Variants in SERINC2 observed in about 807,000 individuals in gnomAD.
SERINC2 encodes the protein tumor differentially expressed protein 2.
A neutral mutation model predicts 54.2 loss-of-function variants in SERINC2; 56 were observed. The observed-to-expected ratio is 1.03, with a 90% confidence interval of 0.83 to 1.29. The LOEUF (loss-of-function observed/expected upper bound fraction) is 1.29, where lower values mean the gene tolerates loss of function less well. SERINC2 is among the 50% of genes most tolerant of loss of function. The pLI is 0.00. For synonymous variants in SERINC2, 272 were observed against 253.1 expected (o/e 1.07, Z -0.71); for missense variants, 614 against 607.4 (o/e 1.01, Z -0.12).
At chr1:31,430,279 C>T (rs529524094) in intron 8 of SERINC2, among the ~76,000 whole-genome samples, 16 of 152,032 alleles carry the variant, frequency 1.1e-4, no homozygotes, top group East Asian at 1.9e-4. Flanking sequence ...TTTGGGAGGC[C>T]GAGGTGGGAG....
chr1:31,432,989 C>T lies in SERINC2; in HGVS notation c.1036C>T (p.Gln346Ter). Residue 346 changes from glutamine (Q) to a stop codon, truncating the protein, a stop_gained, in exon 9 of 10, where the codon CAG becomes TAG. Coordinates refer to ENST00000373709, the MANE Select transcript of SERINC2 (RefSeq NM_178865.5). LOFTEE classifies it high-confidence loss of function. ...CAGTCTGCGCTCCTCAGACCACCGG[C>T]AGGTGAACAGCCTGATGCAGACCGA... Reference protein sequence around the residue: ...FISLRSSDHRQVNSLMQTEEC... With the variant: ...FISLRSSDHR 1.2e-6 allele frequency: 2 copies of T among 1,611,986 alleles called. No individual in the cohort carries two copies. Among genetic ancestry groups the T allele is most frequent in the Non-Finnish European group, 1.7e-6 (2 of 1,179,630 alleles).
chr1:31,431,239 C>T (rs1285516686), intron 8 of SERINC2, among the ~76,000 whole-genome samples: 1 of 152,046 alleles, frequency 6.6e-6, no homozygotes, highest in Non-Finnish European at 1.5e-5. Context: ...ATCCTCCCAC[C>T]TCAGCCTCCT....
chr1:31,434,444 C>A lies in SERINC2; in HGVS notation c.*245C>A. ...CACGGTGGAGCTGCCTCTTCCTTCC[C>A]CTCCTCCCTGTTGCCCATACTCAGC... On this transcript the variant is annotated 3_prime_UTR_variant, in exon 10 of 10. Coordinates refer to ENST00000373709, the MANE Select transcript of SERINC2 (RefSeq NM_178865.5). 1 of 550,398 alleles carries A rather than the reference C, an allele frequency of 1.8e-6. No homozygotes were observed. Among genetic ancestry groups the A allele is most frequent in the Admixed American group, 3.4e-5 (1 of 29,674 alleles). The allele number at this position is 550,398 out of a possible 1,614,324, so 34.1% of individuals were successfully genotyped here. A position where few individuals can be genotyped will look rare whatever the true frequency, so the allele number is the denominator to read the frequency against.
At chr1:31,418,508 T>A (rs1640833739) in intron 1 of SERINC2, among the ~76,000 whole-genome samples, 1 of 152,144 alleles carries the variant, frequency 6.6e-6, no homozygotes, top group Non-Finnish European at 1.5e-5. Context: ...CCTGAGTAGC[T>A]GGAATTACAA....
intron 4 of SERINC2, 138 bp downstream of exon 4, chr1:31,425,547 G>A (rs1403478003): frequency 6.8e-6 from 6 of 886,664 alleles, no homozygotes; most frequent in African/African-American, 4.9e-5. Flanking sequence ...CCCCACCCGT[G>A]AGACAGCACT....
intron 8 of SERINC2, among the ~76,000 whole-genome samples, chr1:31,431,749 GATAGGGTGGAGAGGGTGGAGAGGGTGA>G (rs1553134492): frequency 2.1e-5 from 3 of 143,198 alleles, no homozygotes; most frequent in African/African-American, 7.4e-5. Context: ...GTATTTGGTA[GATAGGGTGGAGAGGGTGGAGAGGGTGA>G]ATAGGGTGGA....
chr1:31,432,374 A>T (rs1182386056), intron 8 of SERINC2, among the ~76,000 whole-genome samples: 3 of 152,118 alleles, frequency 2.0e-5, no homozygotes, highest in Non-Finnish European at 4.4e-5. Context: ...AATTCTGTTA[A>T]AAACATCAAG....
rs142006438 is a variant in SERINC2, at chr1:31,433,095, A to G, written c.1142A>G (p.Gln381Arg). 287 of 1,613,562 alleles carry G rather than the reference A, an allele frequency of 1.8e-4. No homozygotes were observed. The highest frequency in any genetic ancestry group is 2.3e-4 in the Non-Finnish European group (277 of 1,180,012). ...ACEGRAFDNE[Q>R]DGVTYSYSFF... ...GAGGGCCGGGCCTTTGACAACGAGC[A>G]GGACGGCGTCACCTACAGCTACTCC... Residue 381 changes from glutamine (Q) to arginine (R), a missense_variant, in exon 9 of 10, where the codon CAG (glutamine) becomes CGG (arginine). Transcript: ENST00000373709.
chr1:31,425,658 A>G, intron 4 of SERINC2, 118 bp from the exon 5 acceptor site: 2 of 1,274,488 alleles, frequency 1.6e-6, no homozygotes, highest in Non-Finnish European at 2.2e-6. Flanking sequence ...GGGCTCCCTG[A>G]GGGCAGGGAC....
Position 31,429,492 on chromosome 1 carries a change from A to T in SERINC2, c.967A>T (p.Ser323Cys). 1 of 1,613,688 alleles carries T rather than the reference A, an allele frequency of 6.2e-7. No individual in the cohort carries two copies. Among genetic ancestry groups the T allele is most frequent in the Non-Finnish European group, 8.5e-7 (1 of 1,179,806 alleles). Reference protein sequence around the residue: ...GYETQWWDAPSIVGLIIFLLC... With the variant: ...GYETQWWDAPCIVGLIIFLLC... ...TGAGACCCAGTGGTGGGATGCCCCG[A>T]GCATTGTGGGCCTCATCATCTTCCT... The change falls in exon 8 of 10, where the codon AGC becomes TGC. Residue 323 changes from serine to cysteine, a missense_variant. Ser to Cys is a moderately radical substitution (Grantham distance 112). Transcript: ENST00000373709.
intron 1 of SERINC2, 106 bp from the exon 2 acceptor site, chr1:31,423,587 G>C: frequency 8.4e-7 from 1 of 1,189,556 alleles, no homozygotes; most frequent in South Asian, 1.4e-5. Context: ...GGAACAGTGT[G>C]CTCCTGCCTA....
At position 31,426,836 on chromosome 1, in the gene SERINC2, GA is replaced by G. The variant is rs782790402; in HGVS notation, c.780+14del. 1.6e-5 allele frequency: 25 copies of G among 1,600,552 alleles called. No homozygotes were observed. Among genetic ancestry groups the G allele is most frequent in the East Asian group, 2.2e-5 (1 of 44,586 alleles). ...GCCCAAGGTCCAGGTGAGCCTGCCT[GA>G]CCCCCCCTGGCCTGAAGCCCGGCCC... On this transcript the variant is annotated intron_variant, in intron 6 of 9. Transcript: ENST00000373709.
chr1:31,414,145 G>C, intron 1 of SERINC2: 1 of 1,413,098 alleles, frequency 7.1e-7, no homozygotes, highest in Non-Finnish European at 9.2e-7. Flanking sequence ...TGCGCGGGGA[G>C]TGCCCGGTCG....
Position 31,429,190 on chromosome 1 carries a change from C to T in SERINC2, c.871+122C>T, listed in dbSNP as rs535875813. ...CCCTGCTCCAGCCCATTCTGAGACT[C>T]AGTCCTCCCATGAGATGGGAGGGCC... is the stretch of plus-strand genomic sequence containing the variant. On this transcript the variant is annotated intron_variant, in intron 7 of 9. Transcript: ENST00000373709. The T allele has an allele frequency of 2.2e-4, 231 of 1,043,726 alleles. 2 individuals carry two copies. In the East Asian group the frequency reaches 5.1e-3, roughly 23 times the overall value. The allele number at this position is 1,043,726 out of a possible 1,614,324, so 64.7% of individuals were successfully genotyped here.
chr1:31,420,523 G>A (rs12080531), intron 1 of SERINC2, among the ~76,000 whole-genome samples: 22,899 of 150,910 alleles, frequency 0.15, 2,329 homozygotes, highest in African/African-American at 0.29. Flanking sequence ...TTCTGGTATT[G>A]GGTTTTTTGT....
chr1:31,433,335 C>T (rs1641378438), intron 9 of SERINC2, 150 bp downstream of exon 9: 1 of 658,168 alleles, frequency 1.5e-6, no homozygotes, highest in African/African-American at 1.8e-5. Context: ...GAGCCTGCCC[C>T]TTCCCTGCTA....
intron 1 of SERINC2, chr1:31,415,987 C>T: frequency 1.1e-6 from 1 of 873,232 alleles, no homozygotes; most frequent in Non-Finnish European, 1.4e-6. Flanking sequence ...CACATGATGA[C>T]TTGGCTGTCT....
rs115167136 is a variant in SERINC2, at chr1:31,433,168, G to A, written c.1215G>A (p.Thr405=). The change falls in exon 9 of 10, where the codon ACG becomes ACA. Residue 405 remains threonine, a synonymous_variant. Transcript: ENST00000373709. ...TGGCCTCACTGCACGTCATGATGAC[G>A]CTCACCAACTGGTACAAGTGCGTAG... ...LVLASLHVMM[T]LTNWYKPGET... is the part of the protein sequence containing the mutation. 3.7e-4 allele frequency: 602 copies of A among 1,613,584 alleles called. 3 individuals carry two copies. The African/African-American group carries it at 6.7e-3, about 18-fold the overall frequency.
chr1:31,419,556 G>A (rs1640858512), intron 1 of SERINC2, among the ~76,000 whole-genome samples: 1 of 152,216 alleles, frequency 6.6e-6, no homozygotes, highest in South Asian at 2.1e-4. Flanking sequence ...GGCCAGGCAT[G>A]GTGGCTCATG....
Sources: gnomAD v4.1 joint callset for allele counts (sites outside exome capture counted in the v4.1 genomes callset) on GRCh38, gnomAD v4.1.1 for gene constraint, MANE v1.5 for transcripts, NCBI Gene and HGNC (gene_info 2026-07-23, HGNC 2026-07-21) for gene names.